The following FBXL20 variants were observed in gnomAD, a reference collection of about 807,000 sequenced individuals.
FBXL20 encodes the protein F-box/LRR-repeat protein 20.
Under a neutral mutation model 64.0 loss-of-function variants are expected in FBXL20, and 11 were observed. The ratio of observed to expected loss-of-function variants is 0.17; its 90% CI spans 0.11 to 0.28. FBXL20 has a LOEUF of 0.28. FBXL20 is among the 10% of genes least tolerant of loss of function. FBXL20 has a pLI of 1.00. For synonymous variants in FBXL20, 184 were observed against 189.0 expected (o/e 0.97, Z 0.22); for missense variants, 303 against 526.2 (o/e 0.58, Z 4.15).
At chr17:39,362,926 T>G (rs2047812826) in intron 1 of FBXL20, among the ~76,000 whole-genome samples, 1 of 149,484 alleles carries the variant, frequency 6.7e-6, no homozygotes. Context: ...CCTAGTAAAC[T>G]TTTCTTAATG....
intron 2 of FBXL20, among the ~76,000 whole-genome samples, chr17:39,340,628 CTATCCTATTTTT>C (rs1292414950): frequency 1.3e-5 from 2 of 152,064 alleles, no homozygotes; most frequent in Admixed American, 1.3e-4. Flanking sequence ...TATAAATTCT[CTATCCTATTTTT>C]AGAACTTTTT....
At chr17:39,343,817 T>C (rs2047606113) in intron 1 of FBXL20, among the ~76,000 whole-genome samples, 1 of 151,894 alleles carries the variant, frequency 6.6e-6, no homozygotes, top group Non-Finnish European at 1.5e-5. Context: ...TGCTTCAGTC[T>C]CCTGGGTAGC....
intron 6 of FBXL20, among the ~76,000 whole-genome samples, chr17:39,290,729 A>C (rs1418853247): frequency 6.6e-6 from 1 of 151,580 alleles, no homozygotes; most frequent in Admixed American, 6.6e-5. Context: ...ATGCCCAACT[A>C]ACCTTTTATT....
At chr17:39,292,614 G>A (rs1215621671) in intron 6 of FBXL20, among the ~76,000 whole-genome samples, 1 of 145,444 alleles carries the variant, frequency 6.9e-6, no homozygotes, top group Non-Finnish European at 1.5e-5. Context: ...TCACTTCTGG[G>A]TCTATTTCTT....
chr17:39,305,914 G>A (rs1337895217), intron 2 of FBXL20, among the ~76,000 whole-genome samples: 1 of 151,832 alleles, frequency 6.6e-6, no homozygotes, highest in Non-Finnish European at 1.5e-5. Context: ...TTGAACCTGG[G>A]AGGTGGAGGT....
At chr17:39,366,164 A>G (rs1189783774) in intron 1 of FBXL20, among the ~76,000 whole-genome samples, 1 of 152,106 alleles carries the variant, frequency 6.6e-6, no homozygotes, top group Non-Finnish European at 1.5e-5. Context: ...ATTTTCTCAC[A>G]ATCTTTGTTT....
intron 2 of FBXL20, among the ~76,000 whole-genome samples, chr17:39,332,823 G>A (rs1167972337): frequency 6.6e-6 from 1 of 152,036 alleles, no homozygotes; most frequent in African/African-American, 2.4e-5. Context: ...TTCCAGGCAT[G>A]AGCCACCGTG....
chr17:39,350,837 A>C (rs1306749301), intron 1 of FBXL20, among the ~76,000 whole-genome samples: 1 of 152,158 alleles, frequency 6.6e-6, no homozygotes, highest in Non-Finnish European at 1.5e-5. Flanking sequence ...TTTTCCCTAG[A>C]CCTGTAGAAT....
chr17:39,298,231 C>T (rs1191398756), intron 5 of FBXL20, among the ~76,000 whole-genome samples: 1 of 152,130 alleles, frequency 6.6e-6, no homozygotes, highest in Non-Finnish European at 1.5e-5. Flanking sequence ...CCTCCTACTT[C>T]ACTCAGTATC....
intron 2 of FBXL20, among the ~76,000 whole-genome samples, chr17:39,305,158 G>GA (rs1000240781): frequency 1.8e-4 from 27 of 150,344 alleles, no homozygotes; most frequent in African/African-American, 5.1e-4. Context: ...TAAATGTCTA[G>GA]AAAAAAAAAC....
intron 1 of FBXL20, among the ~76,000 whole-genome samples, chr17:39,397,254 T>C (rs182337819): frequency 2.0e-4 from 30 of 152,338 alleles, no homozygotes; most frequent in Admixed American, 2.0e-3. Context: ...AAACAAATAT[T>C]ACATGCTAGG....
At chr17:39,367,542 C>T (rs1013146137) in intron 1 of FBXL20, among the ~76,000 whole-genome samples, 11 of 151,780 alleles carry the variant, frequency 7.2e-5, no homozygotes, top group African/African-American at 2.7e-4. Flanking sequence ...ATCTCAAACT[C>T]CTGGCCTCAA....
chr17:39,259,641 C>T lies in FBXL20; in HGVS notation c.*1819G>A, dbSNP rs375377236. ...ACCCCTTACTTCCTCTCAGTGTTCT[C>T]TTTCAGCTGCCTCAATGCTTCACCT... On this transcript the variant is annotated 3_prime_UTR_variant, in exon 15 of 15. Coordinates refer to ENST00000264658, the MANE Select transcript of FBXL20 (RefSeq NM_032875.3). 6.6e-6 allele frequency: 1 copy of T among 152,098 alleles called. No homozygotes were observed. Among genetic ancestry groups the T allele is most frequent in the East Asian group, 1.9e-4 (1 of 5,180 alleles). 9.4% of individuals were successfully genotyped at this position (152,098 alleles called of 1,614,324 possible).
chr17:39,279,257 G>C (rs952788540), intron 9 of FBXL20, among the ~76,000 whole-genome samples: 1 of 152,138 alleles, frequency 6.6e-6, no homozygotes, highest in African/African-American at 2.4e-5. Context: ...CCAGCACTTT[G>C]CGAGGCTGAG....
chr17:39,281,759 C>G (rs1326493067), intron 8 of FBXL20, among the ~76,000 whole-genome samples: 1 of 152,024 alleles, frequency 6.6e-6, no homozygotes, highest in Non-Finnish European at 1.5e-5. Flanking sequence ...TTAAATATAC[C>G]TGACAGCATT....
intron 2 of FBXL20, among the ~76,000 whole-genome samples, chr17:39,310,307 C>T (rs971296685): frequency 6.6e-6 from 1 of 152,004 alleles, no homozygotes; most frequent in South Asian, 2.1e-4. Flanking sequence ...ATTTCCATCA[C>T]GTTTCATACT....
At chr17:39,322,746 TAAA>T (rs538270605) in intron 2 of FBXL20, among the ~76,000 whole-genome samples, 1 of 151,876 alleles carries the variant, frequency 6.6e-6, no homozygotes, top group African/African-American at 2.4e-5. Context: ...ACATAGGAAA[TAAA>T]AAAAACAAAC....
intron 2 of FBXL20, among the ~76,000 whole-genome samples, chr17:39,334,657 T>TA (rs1646731234): frequency 6.6e-6 from 1 of 152,152 alleles, no homozygotes; most frequent in African/African-American, 2.4e-5. Context: ...CTGAATCCTT[T>TA]AAAAAAATTT....
intron 10 of FBXL20, among the ~76,000 whole-genome samples, chr17:39,271,424 C>T (rs760946265): frequency 1.3e-5 from 2 of 151,674 alleles, no homozygotes; most frequent in Non-Finnish European, 2.9e-5. Flanking sequence ...ACGGTGAAAC[C>T]CCATTTCTAC....
Sources: gnomAD v4.1 joint callset for allele counts (sites outside exome capture counted in the v4.1 genomes callset) on GRCh38, gnomAD v4.1.1 for gene constraint, MANE v1.5 for transcripts, NCBI Gene and HGNC (gene_info 2026-07-23, HGNC 2026-07-21) for gene names.